Variants in RNF150 observed in about 807,000 individuals in gnomAD.
The protein encoded by RNF150 is ring finger protein 150.
In RNF150, 24 loss-of-function variants were observed where a neutral mutation model predicts 39.3. That is an observed-to-expected ratio of 0.61 (90% confidence interval 0.44 to 0.86). The LOEUF is 0.86. Among genes scored for constraint, RNF150 ranks in the 40% least tolerant of loss-of-function variants. The pLI, the probability that RNF150 is intolerant of heterozygous loss-of-function variation, is 0.00. For synonymous variants in RNF150, 255 were observed against 227.3 expected (o/e 1.12, Z -1.10); for missense variants, 502 against 587.8 (o/e 0.85, Z 1.51).
At chr4:140,934,982 A>G (rs1173415087) in intron 4 of RNF150, among the ~76,000 whole-genome samples, 7 of 116,626 alleles carry the variant, frequency 6.0e-5, no homozygotes, top group African/African-American at 2.1e-4. Context: ...TGAAAGTTAA[A>G]GTGTTATAAT....
At chr4:141,088,968 C>A (rs1391612996) in intron 1 of RNF150, among the ~76,000 whole-genome samples, 1 of 152,168 alleles carries the variant, frequency 6.6e-6, no homozygotes, top group Non-Finnish European at 1.5e-5. Flanking sequence ...TAGTATTTTA[C>A]ATAATTGCTA....
intron 5 of RNF150, among the ~76,000 whole-genome samples, chr4:140,924,153 G>A (rs1292676116): frequency 6.6e-6 from 1 of 152,044 alleles, no homozygotes; most frequent in African/African-American, 2.4e-5. Flanking sequence ...TCCAAAAGAT[G>A]CTACTGATGT....
chr4:141,136,908 T>G (rs1727036684), upstream of RNF150, among the ~76,000 whole-genome samples: 1 of 152,228 alleles, frequency 6.6e-6, no homozygotes, highest in South Asian at 2.1e-4. Context: ...AGGTGACTTT[T>G]GAACAGAATA....
chr4:140,950,971 G>C (rs1166344620), intron 2 of RNF150, among the ~76,000 whole-genome samples: 1 of 152,152 alleles, frequency 6.6e-6, no homozygotes, highest in Non-Finnish European at 1.5e-5. Flanking sequence ...AGAGTCTTTA[G>C]TGATAAATAC....
intron 4 of RNF150, among the ~76,000 whole-genome samples, chr4:140,943,759 C>G (rs1026988173): frequency 6.6e-6 from 1 of 152,086 alleles, no homozygotes; most frequent in Non-Finnish European, 1.5e-5. Context: ...CCAAATGAAG[C>G]ATTTAGGTAC....
chr4:141,102,556 T>G (rs192519897), intron 1 of RNF150, among the ~76,000 whole-genome samples: 222 of 152,282 alleles, frequency 1.5e-3, no homozygotes, highest in African/African-American at 5.2e-3. Context: ...AATTTCTACA[T>G]AAGAGGCAGT....
intron 1 of RNF150, among the ~76,000 whole-genome samples, chr4:141,098,595 C>T (rs552454981): frequency 2.6e-5 from 4 of 152,274 alleles, no homozygotes; most frequent in Admixed American, 1.3e-4. Flanking sequence ...ACTTGGAATC[C>T]CATGATCTCT....
chr4:141,017,729 T>C (rs1578636215), intron 1 of RNF150, among the ~76,000 whole-genome samples: 1 of 152,358 alleles, frequency 6.6e-6, no homozygotes, highest in South Asian at 2.1e-4. Context: ...TAGAATGTTA[T>C]GTAGTTGGAA....
In RNF150 at chr4:140,863,287, A is replaced by G. The variant is rs1728563354; in HGVS notation, c.*4974T>C. Reference sequence around the variant, plus strand: ...ATTCTGGAATTGTTGCTTTGCCATTATTTGCCCAGAAAACATTTATGGCAA... The same window carrying G: ...ATTCTGGAATTGTTGCTTTGCCATTGTTTGCCCAGAAAACATTTATGGCAA... On this transcript the variant is annotated 3_prime_UTR_variant, in exon 7 of 7. Transcript: ENST00000515673. 1 of 152,148 alleles carries G rather than the reference A, an allele frequency of 6.6e-6. No homozygotes were observed. 9.4% of individuals were successfully genotyped at this position (152,148 alleles called of 1,614,324 possible).
At chr4:140,917,760 A>G (rs932712189) in intron 5 of RNF150, among the ~76,000 whole-genome samples, 7 of 151,302 alleles carry the variant, frequency 4.6e-5, no homozygotes, top group East Asian at 3.9e-4. Flanking sequence ...ACCACACCAC[A>G]CCTATTCCAA....
At chr4:140,973,213 G>C (rs965410089) in intron 1 of RNF150, among the ~76,000 whole-genome samples, 2 of 151,962 alleles carry the variant, frequency 1.3e-5, no homozygotes, top group Non-Finnish European at 2.9e-5. Flanking sequence ...AGTAAAGCTA[G>C]GAAAAATGTG....
intron 1 of RNF150, among the ~76,000 whole-genome samples, chr4:141,000,846 C>G (rs983023485): frequency 2.6e-5 from 4 of 152,152 alleles, no homozygotes; most frequent in Non-Finnish European, 4.4e-5. Context: ...GTTTTTTCAA[C>G]TTGCTAGAAT....
intron 1 of RNF150, among the ~76,000 whole-genome samples, chr4:141,127,229 G>C (rs1337410426): frequency 6.6e-6 from 1 of 152,022 alleles, no homozygotes; most frequent in Non-Finnish European, 1.5e-5. Flanking sequence ...AGACAGTAAG[G>C]GTACCTATTT....
intron 1 of RNF150, among the ~76,000 whole-genome samples, chr4:141,011,522 GACA>G (rs1302476140): frequency 6.6e-6 from 1 of 152,162 alleles, no homozygotes; most frequent in African/African-American, 2.4e-5. Flanking sequence ...CTCCTGTCCA[GACA>G]ACATGTCTAA....
At chr4:141,120,948 G>A (rs1726586352) in intron 1 of RNF150, among the ~76,000 whole-genome samples, 2 of 151,760 alleles carry the variant, frequency 1.3e-5, no homozygotes, top group African/African-American at 4.8e-5. Flanking sequence ...ACACCAGCTA[G>A]AGGTGACAGT....
chr4:140,922,944 C>T (rs1731220441), intron 5 of RNF150, among the ~76,000 whole-genome samples: 2 of 150,992 alleles, frequency 1.3e-5, no homozygotes, highest in Non-Finnish European at 2.9e-5. Context: ...TGGATCCCTT[C>T]CTTACACCTT....
intron 4 of RNF150, among the ~76,000 whole-genome samples, chr4:140,929,467 C>T (rs181999950): frequency 6.7e-5 from 10 of 149,100 alleles, no homozygotes; most frequent in East Asian, 2.0e-4. Context: ...CCTGGGTTCA[C>T]GCCATTCTCC....
In RNF150 at chr4:141,194,349, G is replaced by C. The variant is rs116141206; in HGVS notation, c.-6+18445C>G. ...AAAGGATTATAAACTTTATATTACA[G>C]TATCTAGTTACTTAGGCATTACATT... is the stretch of plus-strand genomic sequence containing the variant. On this transcript the variant is annotated intron_variant, in intron 1 of 7. Transcript: ENST00000420921. Among the ~76,000 whole-genome samples, 588 of 152,268 alleles carry C rather than the reference G, an allele frequency of 3.9e-3. 5 individuals carry two copies. Among genetic ancestry groups the C allele is most frequent in the African/African-American group, 0.014 (572 of 41,544 alleles).
intron 1 of RNF150, among the ~76,000 whole-genome samples, chr4:141,167,182 C>A (rs1046077798): frequency 6.6e-6 from 1 of 152,008 alleles, no homozygotes; most frequent in East Asian, 1.9e-4. Flanking sequence ...AATGAGTGAA[C>A]GTCCATTCAC....
Sources: gnomAD v4.1 joint callset for allele counts (sites outside exome capture counted in the v4.1 genomes callset) on GRCh38, gnomAD v4.1.1 for gene constraint, MANE v1.5 for transcripts, NCBI Gene and HGNC (gene_info 2026-07-23, HGNC 2026-07-21) for gene names.